Variants in CASKIN1 observed in about 807,000 individuals in gnomAD.
CASKIN1 encodes CASK interacting protein 1, also known as caskin-1.
A neutral mutation model predicts 117.5 loss-of-function variants in CASKIN1; 42 were observed. That is an observed-to-expected ratio of 0.36 (90% CI 0.28 to 0.46). The LOEUF is 0.46. CASKIN1 is among the 20% of genes least tolerant of loss of function. The pLI is 1.00. For synonymous variants in CASKIN1, 1,148 were observed against 961.7 expected (o/e 1.19, Z -3.59); for missense variants, 2,083 against 2,077.3 (o/e 1.00, Z -0.05).
rs900215430 is a variant in CASKIN1 at position 2,187,089 on chromosome 16, G to A, written c.836-17C>T. 8 of 1,613,196 alleles carry A rather than the reference G, an allele frequency of 5.0e-6. No homozygotes were observed. The African/African-American group carries it at 1.1e-4, about 22-fold the overall frequency. ...CTGAGGCCTCTGGGGATACAGGAGG[G>A]GGCCCCCGAAGTCCTGCGGGCTGAT... On this transcript the variant is annotated splice_polypyrimidine_tract_variant and intron_variant, in intron 8 of 19. Coordinates refer to ENST00000343516, the MANE Select transcript of CASKIN1 (RefSeq NM_020764.4).
At position 2,179,137 on chromosome 16, in the gene CASKIN1, C is replaced by T; in HGVS notation, c.3964G>A (p.Gly1322Ser). 1 of 1,041,542 alleles carries T rather than the reference C, an allele frequency of 9.6e-7. No homozygotes were observed. Among genetic ancestry groups the T allele is most frequent in the Non-Finnish European group, 1.2e-6 (1 of 867,424 alleles). 64.5% of individuals were successfully genotyped at this position (1,041,542 alleles called of 1,614,324 possible). A position where few individuals can be genotyped will look rare whatever the true frequency, so the allele number is the denominator to read the frequency against. The change falls in exon 19 of 20, where the codon GGC becomes AGC. Residue 1322 changes from glycine (G) to serine (S), a missense_variant. By Grantham distance (56) the Gly-to-Ser change is moderately conservative. Around this residue, in one of 3 missense-constraint regions of CASKIN1, gnomAD observed 1,818 missense variants for 1,688.9 expected, o/e 1.08. Coordinates refer to ENST00000343516, the MANE Select transcript of CASKIN1 (RefSeq NM_020764.4). The surrounding 1 kb of genome is among the most constrained non-coding windows in gnomAD (Gnocchi z 5.8). ...AKPPGTPPSL[G>S]ASPAKPPSPG... ...GACGGGGGCTTGGCGGGGCTGGCGC[C>T]CAGCGAGGGCGGCGTACCGGGCGGC...
At chr16:2,184,054 C>T (rs939804664) in intron 14 of CASKIN1, 113 bp from the exon 15 acceptor site, 28 of 672,406 alleles carry the variant, frequency 4.2e-5, no homozygotes, top group African/African-American at 1.6e-4. Context: ...GTCCGCCGTC[C>T]GCTGCTCCAT....
At chr16:2,186,405 C>T (rs1250108741) in intron 10 of CASKIN1, among the ~76,000 whole-genome samples, 1 of 152,208 alleles carries the variant, frequency 6.6e-6, no homozygotes. Flanking sequence ...ATGTTTACTT[C>T]GCTGTCCCCT....
At chr16:2,190,024 CTCGCTGCCCCCG>C in intron 3 of CASKIN1, 37 bp downstream of exon 3, 1 of 1,518,436 alleles carries the variant, frequency 6.6e-7, no homozygotes, top group Non-Finnish European at 9.1e-7. Context: ...GGGAGCCCCC[CTCGCTGCCCCCG>C]CCCCTGCCCC....
In CASKIN1 at chr16:2,180,499, G is replaced by A. The variant is rs567154599; in HGVS notation, c.2869C>T (p.Leu957=). 4.5e-6 allele frequency: 7 copies of A among 1,549,750 alleles called. No individual in the cohort carries two copies. The highest frequency in any genetic ancestry group is 1.2e-5 in the South Asian group (1 of 85,444). The part of the protein sequence containing the change: ...PPPPKRSSSA[L]ASANLADEPV... ...TCATCCGCCAGGTTGGCACTAGCCAGGGCCGAGCTGGAGCGCTTGGGTGGG... is the reference window on the plus strand; with the variant it reads ...TCATCCGCCAGGTTGGCACTAGCCAAGGCCGAGCTGGAGCGCTTGGGTGGG... Residue 957 remains leucine (L), a synonymous_variant, in exon 18 of 20, where the codon CTG becomes TTG. Transcript: ENST00000343516.
rs555703661 is a variant in CASKIN1 at position 2,182,459 on chromosome 16, C to T, written c.1630-530G>A. On this transcript the variant is annotated intron_variant, in intron 16 of 19. Transcript: ENST00000343516. The surrounding 1 kb of genome is among the most constrained non-coding windows in gnomAD (Gnocchi z 4.1). ...ACAGCAATCTGCACCGAGAAACACC[C>T]GATCACTCCCCGAGCGGCATTCAGG... Among the ~76,000 whole-genome samples the T allele has an allele frequency of 5.3e-5, 8 of 152,272 alleles. No homozygotes were observed. In the South Asian group the frequency reaches 6.2e-4, roughly 12 times the overall value.
chr16:2,190,115 G>C lies in CASKIN1; in HGVS notation c.202C>G (p.Leu68Val). Residue 68 changes from leucine (L) to valine (V), a missense_variant, in exon 3 of 20, where the codon CTG becomes GTG. Leu to Val is a conservative substitution (Grantham distance 32). This residue lies in a region of CASKIN1 where 203 missense variants were observed against 338.7 expected (regional missense o/e 0.60). Coordinates refer to ENST00000343516, the MANE Select transcript of CASKIN1 (RefSeq NM_020764.4). ...LNGNTELISL[L>V]LEAQAAVDIK... Reference sequence around the variant, plus strand: ...TCCACAGCGGCCTGGGCCTCCAGCAGCAGGCTGATCAATTCCGTGTTGCCG... The same window carrying C: ...TCCACAGCGGCCTGGGCCTCCAGCACCAGGCTGATCAATTCCGTGTTGCCG... The C allele has an allele frequency of 6.2e-7, 1 of 1,612,562 alleles. No individual in the cohort carries two copies. The highest frequency in any genetic ancestry group is 8.5e-7 in the Non-Finnish European group (1 of 1,179,712).
Position 2,181,381 on chromosome 16 carries a change from C to G in CASKIN1, c.1987G>C (p.Ala663Pro), listed in dbSNP as rs746622706. The G allele has an allele frequency of 9.3e-6, 15 of 1,609,312 alleles. No homozygotes were observed. Among genetic ancestry groups the G allele is most frequent in the Non-Finnish European group, 1.2e-5 (14 of 1,179,034 alleles). Residue 663 changes from alanine to proline, a missense_variant, in exon 18 of 20, where the codon GCT (alanine) becomes CCT (proline). This residue lies in a region of CASKIN1 where 1,818 missense variants were observed against 1,688.9 expected (regional missense o/e 1.08). Transcript: ENST00000343516. ...QDSELSDELQ[A>P]AMTGPAEVGP... ...ACCTCAGCCGGGCCAGTCATGGCAG[C>G]CTGCAGCTCGTCACTGAGCTCGCTG...
chr16:2,179,080 T>C lies in CASKIN1; in HGVS notation c.4021A>G (p.Lys1341Glu). Reference protein sequence around the residue: ...PGAPALHVPAKPPRAAAAAAA... With the variant: ...PGAPALHVPAEPPRAAAAAAA... ...GCGGCGGCGGCGGCTCGCGGGGGCT[T>C]GGCGGGCACGTGCAGCGCGGGCGCG... is the stretch of plus-strand genomic sequence containing the variant. Residue 1341 changes from lysine (K) to glutamate (E), a missense_variant, in exon 19 of 20, where the codon AAG becomes GAG. Lys to Glu is a moderately conservative substitution (Grantham distance 56). This residue lies in a region of CASKIN1 where 1,818 missense variants were observed against 1,688.9 expected (regional missense o/e 1.08). Coordinates refer to ENST00000343516, the MANE Select transcript of CASKIN1 (RefSeq NM_020764.4). The surrounding 1 kb of genome is among the most constrained non-coding windows in gnomAD (Gnocchi z 5.8). 2.1e-6 allele frequency: 2 copies of C among 975,574 alleles called. No individual in the cohort carries two copies. Among genetic ancestry groups the C allele is most frequent in the Non-Finnish European group, 2.4e-6 (2 of 827,004 alleles). 60.4% of individuals were successfully genotyped at this position (975,574 alleles called of 1,614,324 possible).
chr16:2,178,693 C>CCACGCCCACCCCGACCAGGA (rs752238675), intron 19 of CASKIN1, 47 bp from the exon 20 acceptor site: 4 of 1,504,812 alleles, frequency 2.7e-6, no homozygotes, highest in East Asian at 5.1e-5. Flanking sequence ...GCGGGTCTGG[C>CCACGCCCACCCCGACCAGGA]CACGCCCACC....
In CASKIN1 at chr16:2,190,096, G is replaced by A; in HGVS notation, c.221C>T (p.Ala74Val). Reference protein sequence around the residue: ...LISLLLEAQAAVDIKDNKGMR... With the variant: ...LISLLLEAQAVVDIKDNKGMR... ...GCCTTTGTTGTCCTTGATGTCCACA[G>A]CGGCCTGGGCCTCCAGCAGCAGGCT... Residue 74 changes from alanine (A) to valine (V), a missense_variant, in exon 3 of 20, where the codon GCT (alanine) becomes GTT (valine). Ala to Val is a moderately conservative substitution (Grantham distance 64, BLOSUM62 0). Around this residue, in one of 3 missense-constraint regions of CASKIN1, gnomAD observed 203 missense variants for 338.7 expected, o/e 0.60. Transcript: ENST00000343516. 1 of 1,610,078 alleles carries A rather than the reference G, an allele frequency of 6.2e-7. No homozygotes were observed. The highest frequency in any genetic ancestry group is 8.5e-7 in the Non-Finnish European group (1 of 1,178,420).
chr16:2,193,587 C>T (rs2093206913), intron 1 of CASKIN1, among the ~76,000 whole-genome samples: 1 of 152,224 alleles, frequency 6.6e-6, no homozygotes, highest in Non-Finnish European at 1.5e-5. Context: ...GCTGAGGCAG[C>T]CAGTGTGGAA....
rs747194222 is a variant in CASKIN1 at position 2,181,245 on chromosome 16, T to C, written c.2123A>G (p.Glu708Gly). 6.3e-7 allele frequency: 1 copy of C among 1,597,084 alleles called. No individual in the cohort carries two copies. Among genetic ancestry groups the C allele is most frequent in the Non-Finnish European group, 8.5e-7 (1 of 1,177,870 alleles). Residue 708 changes from glutamate to glycine, a missense_variant, in exon 18 of 20, where the codon GAG (glutamate) becomes GGG (glycine). Glu to Gly is a moderately conservative substitution (Grantham distance 98). Coordinates refer to ENST00000343516, the MANE Select transcript of CASKIN1 (RefSeq NM_020764.4). ...CCCAGGGGGCCCATCTCCCAGCAGC[T>C]CCTGCGAGCTGCTCATGTGCCGTGC... ...GRARHMSSSQ[E>G]LLGDGPPGPS...
At chr16:2,187,850 C>T (rs2093189493) in intron 6 of CASKIN1, among the ~76,000 whole-genome samples, 1 of 151,934 alleles carries the variant, frequency 6.6e-6, no homozygotes, top group African/African-American at 2.4e-5. Flanking sequence ...CGAACTCCTC[C>T]CAAAGTGCTG....
In CASKIN1 at chr16:2,182,756, G is replaced by C. The variant is rs1457110193; in HGVS notation, c.1630-827C>G. ...GCTAGGCCTGGGCCCACCTTCTTCA[G>C]GCCCGGAACCCATCCCACTGCACAG... On this transcript the variant is annotated intron_variant, in intron 16 of 19. Coordinates refer to ENST00000343516, the MANE Select transcript of CASKIN1 (RefSeq NM_020764.4). The surrounding 1 kb of genome is among the most constrained non-coding windows in gnomAD (Gnocchi z 4.1). Among the ~76,000 whole-genome samples the C allele has an allele frequency of 6.6e-6, 1 of 152,202 alleles. No homozygotes were observed. Among genetic ancestry groups the C allele is most frequent in the Non-Finnish European group, 1.5e-5 (1 of 68,032 alleles).
chr16:2,184,363 C>A (rs1220215637), intron 14 of CASKIN1, among the ~76,000 whole-genome samples: 1 of 152,122 alleles, frequency 6.6e-6, no homozygotes, highest in African/African-American at 2.4e-5. Flanking sequence ...GGCAGGGGCA[C>A]CTTGCCTCCT....
In CASKIN1 at chr16:2,189,421, C is replaced by T. The variant is rs1251278818; in HGVS notation, c.388G>A (p.Val130Met). ...HLAAQHGHYDVSEMLLQHQSN... is the reference protein window; with the variant it reads ...HLAAQHGHYDMSEMLLQHQSN... ...CCCCGCCCCCGCTCGGGCCTCACCA[C>T]ATCATAGTGACCATGCTGGGCCGCC... The change falls in exon 4 of 20, where the codon GTG becomes ATG. Residue 130 changes from valine (V) to methionine (M), a missense_variant and splice_region_variant. By Grantham distance (21) the Val-to-Met change is conservative. Transcript: ENST00000343516. 6.2e-7 allele frequency: 1 copy of T among 1,611,480 alleles called. No individual in the cohort carries two copies. The highest frequency in any genetic ancestry group is 1.3e-5 in the African/African-American group (1 of 74,884).
In CASKIN1 at chr16:2,180,751, G is replaced by C. The variant is rs1259696402; in HGVS notation, c.2617C>G (p.Pro873Ala). Residue 873 changes from proline to alanine, a missense_variant, in exon 18 of 20, where the codon CCG becomes GCG. Pro to Ala is a conservative substitution (Grantham distance 27, BLOSUM62 -1). Transcript: ENST00000343516. Reference protein sequence around the residue: ...LCLPPEADAEPGRPKKRAHSL... With the variant: ...LCLPPEADAEAGRPKKRAHSL... Reference sequence around the variant, plus strand: ...TGGGCCCGCTTCTTGGGCCGCCCCGGCTCCGCGTCGGCCTCAGGGGGCAGG... The same window carrying C: ...TGGGCCCGCTTCTTGGGCCGCCCCGCCTCCGCGTCGGCCTCAGGGGGCAGG... 7.0e-7 allele frequency: 1 copy of C among 1,437,674 alleles called. No homozygotes were observed. The highest frequency in any genetic ancestry group is 1.5e-5 in the African/African-American group (1 of 67,422). 89.1% of individuals were successfully genotyped at this position (1,437,674 alleles called of 1,614,324 possible).
In CASKIN1 at chr16:2,189,170, G is replaced by A. The variant is rs201777232; in HGVS notation, c.487-13C>T. On this transcript the variant is annotated splice_polypyrimidine_tract_variant and intron_variant, in intron 5 of 19. Transcript: ENST00000343516. ...GCAGCTGGACCACCTTGAAGGAGGGGTCAGGGTAGGGGGGTCCTGATGTGG... is the reference window on the plus strand; with the variant it reads ...GCAGCTGGACCACCTTGAAGGAGGGATCAGGGTAGGGGGGTCCTGATGTGG... The A allele has an allele frequency of 2.7e-4, 442 of 1,612,604 alleles. 4 individuals are homozygous for A. The African/African-American group carries it at 5.3e-3, about 19-fold the overall frequency.
Sources: gnomAD v4.1 joint callset for allele counts (sites outside exome capture counted in the v4.1 genomes callset) on GRCh38, gnomAD v4.1.1 for gene constraint, gnomAD v4.1.1 regional missense constraint, Gnocchi (gnomAD v3.1) non-coding constraint, MANE v1.5 for transcripts, NCBI Gene and HGNC (gene_info 2026-07-23, HGNC 2026-07-21) for gene names.